Variants in HECW1 observed in about 807,000 individuals in gnomAD.
HECW1 encodes HECT, C2 and WW domain containing E3 ubiquitin protein ligase 1.
In HECW1, 61 loss-of-function variants were observed where a neutral mutation model predicts 182.3. That is an observed-to-expected ratio of 0.33 (90% CI 0.27 to 0.41). The LOEUF (loss-of-function observed/expected upper bound fraction) is 0.41. HECW1 is among the 10% of genes least tolerant of loss of function. The pLI is 1.00. For missense variants in HECW1, 1,739 were observed against 2,108.9 expected, an observed-to-expected ratio of 0.82 and a Z score of 3.44; for synonymous variants, 859 against 832.6, an observed-to-expected ratio of 1.03 and a Z score of -0.55.
chr7:43,483,800 C>T (rs1315429240), intron 17 of HECW1, among the ~76,000 whole-genome samples: 2 of 152,020 alleles, frequency 1.3e-5, no homozygotes, highest in South Asian at 2.1e-4. Context: ...CTGCCTGCCT[C>T]GGCCTCCCAA....
At chr7:43,363,578 A>C (rs959646357) in intron 6 of HECW1, among the ~76,000 whole-genome samples, 3 of 152,170 alleles carry the variant, frequency 2.0e-5, no homozygotes, top group African/African-American at 7.2e-5. Flanking sequence ...CCCCTCTGCC[A>C]CCAGGGACAA....
At chr7:43,311,619 G>T in intron 3 of HECW1, 144 bp from the exon 4 acceptor site, 1 of 812,224 alleles carries the variant, frequency 1.2e-6, no homozygotes, top group Non-Finnish European at 2.2e-6. Flanking sequence ...CGAGGAAGAT[G>T]CTCTATGCCA....
At chr7:43,468,710 C>T (rs1485035096) in intron 15 of HECW1, among the ~76,000 whole-genome samples, 1 of 152,130 alleles carries the variant, frequency 6.6e-6, no homozygotes, top group East Asian at 1.9e-4. Flanking sequence ...TTTGTAGAGA[C>T]AGGGTCTCGC....
chr7:43,540,995 A>C (rs1303627816), intron 24 of HECW1, among the ~76,000 whole-genome samples, 168 bp from the exon 25 acceptor site: 2 of 152,228 alleles, frequency 1.3e-5, no homozygotes, highest in Non-Finnish European at 2.9e-5. Flanking sequence ...GGGATTGTTC[A>C]TGGTAAAGCA....
intron 2 of HECW1, among the ~76,000 whole-genome samples, chr7:43,211,743 A>G (rs1443002575): frequency 6.6e-6 from 1 of 152,214 alleles, no homozygotes; most frequent in Non-Finnish European, 1.5e-5. Flanking sequence ...CTTTGAGGAT[A>G]TTGAACAAAG....
intron 13 of HECW1, among the ~76,000 whole-genome samples, chr7:43,458,297 C>T (rs2077470337): frequency 6.6e-6 from 1 of 152,154 alleles, no homozygotes; most frequent in Non-Finnish European, 1.5e-5. Context: ...CTGTTTTGAA[C>T]ACTAACCAAA....
At chr7:43,170,991 A>G (rs1231893385) in intron 2 of HECW1, among the ~76,000 whole-genome samples, 16 of 152,216 alleles carry the variant, frequency 1.1e-4, no homozygotes, top group Admixed American at 1.0e-3. Context: ...AGAAAGTGAC[A>G]CTGTTGTGGA....
At chr7:43,237,995 C>G (rs188205570) in intron 2 of HECW1, among the ~76,000 whole-genome samples, 2 of 152,222 alleles carry the variant, frequency 1.3e-5, no homozygotes, top group Admixed American at 6.5e-5. Context: ...TAATTCTGCC[C>G]CATCATATTG....
chr7:43,558,064 A>G (rs954996865), intron 29 of HECW1, among the ~76,000 whole-genome samples: 2 of 152,154 alleles, frequency 1.3e-5, no homozygotes, highest in South Asian at 2.1e-4. Context: ...GCAGTGAGCA[A>G]TTTCCACCCA....
chr7:43,403,160 G>C (rs1272424028), intron 7 of HECW1, among the ~76,000 whole-genome samples: 1 of 152,146 alleles, frequency 6.6e-6, no homozygotes, highest in African/African-American at 2.4e-5. Context: ...ACAGAAGATA[G>C]ATTAACAAGA....
intron 29 of HECW1, among the ~76,000 whole-genome samples, chr7:43,557,824 A>G (rs1334675898): frequency 1.3e-5 from 2 of 152,222 alleles, no homozygotes; most frequent in Non-Finnish European, 2.9e-5. Flanking sequence ...TCTGAAACTC[A>G]AGTTCCTCAA....
chr7:43,412,796 T>C (rs1235567879), intron 8 of HECW1, among the ~76,000 whole-genome samples: 3 of 151,462 alleles, frequency 2.0e-5, no homozygotes, highest in Admixed American at 1.3e-4. Flanking sequence ...TCATTTTTTA[T>C]GGCTGCATAG....
intron 4 of HECW1, among the ~76,000 whole-genome samples, chr7:43,316,806 TCCCGTCTCCTCC>T (rs1391014428): frequency 3.3e-5 from 1 of 29,922 alleles, no homozygotes; most frequent in Non-Finnish European, 5.0e-5. Flanking sequence ...TCCTCTCCCG[TCCCGTCTCCTCC>T]CCTCTACTCT....
Position 43,311,828 on chromosome 7 carries a change from C to T in HECW1, c.93C>T (p.Ser31=). The T allele has an allele frequency of 6.2e-7, 1 of 1,614,196 alleles. No individual in the cohort carries two copies. Among genetic ancestry groups the T allele is most frequent in the Non-Finnish European group, 8.5e-7 (1 of 1,180,016 alleles). The change falls in exon 4 of 30, where the codon AGC becomes AGT. Residue 31 remains serine, a synonymous_variant. Transcript: ENST00000395891. ...AMASPSRNSQ[S]RRRCKEPLRY... ...CGTCTCCTTCTAGAAACTCCCAGAG[C>T]CGACGCCGGTGCAAGGAGCCGCTCC...
intron 1 of HECW1, among the ~76,000 whole-genome samples, chr7:43,113,372 C>T (rs1392533301): frequency 3.3e-5 from 5 of 151,632 alleles, no homozygotes; most frequent in African/African-American, 4.8e-5. Flanking sequence ...TCGCCTTGGG[C>T]TCGCTTTTGA....
At chr7:43,242,837 C>G (rs1414963840) in intron 2 of HECW1, among the ~76,000 whole-genome samples, 1 of 152,168 alleles carries the variant, frequency 6.6e-6, no homozygotes, top group Non-Finnish European at 1.5e-5. Flanking sequence ...AGCAAGGGTG[C>G]TGCACGGTGT....
At chr7:43,129,773 C>G (rs989399520) in intron 2 of HECW1, among the ~76,000 whole-genome samples, 1 of 152,054 alleles carries the variant, frequency 6.6e-6, no homozygotes, top group African/African-American at 2.4e-5. Flanking sequence ...CCTGTGAATA[C>G]CAAAATCCAC....
intron 3 of HECW1, chr7:43,274,044 T>G: frequency 3.5e-6 from 1 of 288,220 alleles, no homozygotes. Flanking sequence ...GGAGACGGGG[T>G]TTTGCCATGT....
intron 2 of HECW1, among the ~76,000 whole-genome samples, chr7:43,187,041 C>T (rs1366679808): frequency 3.3e-5 from 5 of 152,032 alleles, no homozygotes; most frequent in African/African-American, 4.8e-5. Context: ...CTCAGTCTCT[C>T]ATGAGGTTGC....
Sources: allele counts gnomAD v4.1 joint callset (sites outside exome capture counted in the v4.1 genomes callset), GRCh38; gene constraint gnomAD v4.1.1; transcripts MANE v1.5; gene names NCBI Gene and HGNC (gene_info 2026-07-23, HGNC 2026-07-21).